Variants in ACOT12 observed in about 807,000 individuals in gnomAD.
ACOT12 encodes acetyl-coenzyme A thioesterase.
A neutral mutation model predicts 67.7 loss-of-function variants in ACOT12; 51 were observed. The observed-to-expected ratio is 0.75, with a 90% CI of 0.60 to 0.95. The LOEUF is 0.95. Among genes scored for constraint, ACOT12 ranks in the 40% least tolerant of loss-of-function variants. ACOT12 has a pLI of 0.00. For synonymous variants in ACOT12, 251 were observed against 244.6 expected, an observed-to-expected ratio of 1.03 and a Z score of -0.24; for missense variants, 734 against 708.1, an observed-to-expected ratio of 1.04 and a Z score of -0.41.
In ACOT12 at chr5:81,330,875, A is replaced by T; in HGVS notation, c.1457T>A (p.Ile486Asn). ...TCCGGCACATATGATTTCACTTCTGATGTACTGTGGAGACGGGGGGACCGA... is the reference window on the plus strand; with the variant it reads ...TCCGGCACATATGATTTCACTTCTGTTGTACTGTGGAGACGGGGGGACCGA... ...LPSVPPSPQYIRSEIICAGFL... is the reference protein window; with the variant it reads ...LPSVPPSPQYNRSEIICAGFL... The change falls in exon 14 of 15, where the codon ATC (isoleucine) becomes AAC (asparagine). Residue 486 changes from isoleucine to asparagine, a missense_variant. Ile to Asn is a moderately radical substitution (Grantham distance 149). Coordinates refer to ENST00000307624, the MANE Select transcript of ACOT12 (RefSeq NM_130767.3). 6.2e-7 allele frequency: 1 copy of T among 1,614,038 alleles called. No individual in the cohort carries two copies. Among genetic ancestry groups the T allele is most frequent in the East Asian group, 2.2e-5 (1 of 44,872 alleles).
At chr5:81,389,671 C>T (rs929991911) in intron 1 of ACOT12, among the ~76,000 whole-genome samples, 2 of 151,714 alleles carry the variant, frequency 1.3e-5, no homozygotes, top group Non-Finnish European at 2.9e-5. Flanking sequence ...GGAATACAGG[C>T]GTGCGCCACC....
the ACOT12 span, among the ~76,000 whole-genome samples, chr5:81,314,517 C>T: frequency 2.6e-5 from 4 of 152,054 alleles, no homozygotes; most frequent in Non-Finnish European, 4.4e-5. Flanking sequence ...AGGAATGCAC[C>T]AGAGGCAGAA....
rs1759334001 is a variant in ACOT12 at position 81,345,032 on chromosome 5, A to C, written c.783T>G (p.Val261=). 1.2e-6 allele frequency: 2 copies of C among 1,614,100 alleles called. No homozygotes were observed. Among genetic ancestry groups the C allele is most frequent in the Non-Finnish European group, 1.7e-6 (2 of 1,179,986 alleles). ...VNNTFQTCVE[V]GVRVEAFDCQ... ...AGTCAAAGGCCTCCACGCGAACTCC[A>C]ACTTCAACACTGTGAAGGGTGATGC... Residue 261 remains valine, a synonymous_variant, in exon 8 of 15, where the codon GTT becomes GTG. Transcript: ENST00000307624.
At chr5:81,312,771 T>C in the ACOT12 span, 9 of 762,888 alleles carry the variant, frequency 1.2e-5, no homozygotes, top group Non-Finnish European at 2.0e-5. Context: ...GCTGTAGATA[T>C]CAGTATGATC....
chr5:81,334,095 C>T (rs1350047680), intron 12 of ACOT12, among the ~76,000 whole-genome samples: 1 of 152,116 alleles, frequency 6.6e-6, no homozygotes, highest in African/African-American at 2.4e-5. Flanking sequence ...CAGAAGAAGA[C>T]CACCTTCCCA....
chr5:81,365,480 C>T (rs1760050859), intron 3 of ACOT12, among the ~76,000 whole-genome samples: 1 of 152,084 alleles, frequency 6.6e-6, no homozygotes, highest in African/African-American at 2.4e-5. Context: ...AATAAAATAC[C>T]TAACAGTAAA....
At chr5:81,357,882 T>C (rs1759768892) in intron 5 of ACOT12, among the ~76,000 whole-genome samples, 1 of 151,828 alleles carries the variant, frequency 6.6e-6, no homozygotes. Context: ...GGCGCATGCC[T>C]GTAGTCCCAG....
At chr5:81,328,839 T>C (rs948869614), downstream of ACOT12, among the ~76,000 whole-genome samples, 5 of 152,220 alleles carry the variant, frequency 3.3e-5, no homozygotes, top group African/African-American at 9.6e-5. Context: ...AGAACAGCAC[T>C]ATCTAAAGAA....
At chr5:81,350,472 G>C (rs138739890) in intron 5 of ACOT12, among the ~76,000 whole-genome samples, 8 of 151,908 alleles carry the variant, frequency 5.3e-5, no homozygotes, top group Middle Eastern at 3.4e-3. Context: ...GACTTTGTGG[G>C]GCCTGGTGTC....
In ACOT12 at chr5:81,373,226, C is replaced by A. The variant is rs941129727; in HGVS notation, c.198-1416G>T. The stretch of plus-strand genomic sequence containing the variant: ...GCAGCCCATGGAGGGTGAGCCGAAG[C>A]AAGGTGGGTCATCACCCTACCAGGG... On this transcript the variant is annotated intron_variant, in intron 2 of 14. Coordinates refer to ENST00000307624, the MANE Select transcript of ACOT12 (RefSeq NM_130767.3). Among the ~76,000 whole-genome samples the A allele has an allele frequency of 3.3e-5, 5 of 152,190 alleles. No individual in the cohort carries two copies. In the East Asian group the frequency reaches 7.7e-4, roughly 23 times the overall value.
At chr5:81,382,905 C>T (rs1760625609) in intron 2 of ACOT12, among the ~76,000 whole-genome samples, 2 of 152,008 alleles carry the variant, frequency 1.3e-5, no homozygotes, top group East Asian at 3.9e-4. Context: ...TCAAGACTTT[C>T]CTGAACAAAC....
At chr5:81,310,623 A>G in the ACOT12 span, among the ~76,000 whole-genome samples, 1,103 of 152,322 alleles carry the variant, frequency 7.2e-3, 16 homozygotes, top group East Asian at 0.045. Context: ...TAGAAACCAC[A>G]TGTGTTGTAA....
the ACOT12 span, among the ~76,000 whole-genome samples, chr5:81,319,866 T>G: frequency 6.6e-6 from 1 of 151,710 alleles, no homozygotes; most frequent in South Asian, 2.1e-4. Flanking sequence ...ATTGGGAAGT[T>G]TTAAGCTAGG....
chr5:81,340,488 A>C (rs575405253), intron 11 of ACOT12, among the ~76,000 whole-genome samples: 118 of 151,960 alleles, frequency 7.8e-4, no homozygotes, highest in African/African-American at 2.7e-3. Flanking sequence ...CAGCCTCCCA[A>C]ATAGCTGGGA....
Position 81,343,108 on chromosome 5 carries a change from C to T in ACOT12, c.1045-353G>A, listed in dbSNP as rs796251325. ...AGGCAGAAGAATCGCTTGAACCCGCCACCGGGAGGCGGAGGTTGCAGTGAG... is the reference window on the plus strand; with the variant it reads ...AGGCAGAAGAATCGCTTGAACCCGCTACCGGGAGGCGGAGGTTGCAGTGAG... On this transcript the variant is annotated intron_variant, in intron 10 of 14. Transcript: ENST00000307624. 4.6e-5 allele frequency among the ~76,000 whole-genome samples: 7 copies of T among 151,912 alleles called. No homozygotes were observed. The East Asian group carries it at 1.4e-3, about 30-fold the overall frequency.
chr5:81,313,185 G>A, the ACOT12 span: 1 of 152,046 alleles, frequency 6.6e-6, no homozygotes, highest in Non-Finnish European at 1.5e-5. Flanking sequence ...CTTGATTCTC[G>A]ATTGAAATAT....
intron 3 of ACOT12, among the ~76,000 whole-genome samples, chr5:81,369,870 A>C (rs764304454): frequency 5.9e-5 from 9 of 152,252 alleles, no homozygotes; most frequent in Non-Finnish European, 1.2e-4. Flanking sequence ...AGAGCCCCAC[A>C]GTTGAATAAA....
chr5:81,335,703 G>A (rs2153844368), intron 12 of ACOT12, 65 bp downstream of exon 12: 1 of 1,528,820 alleles, frequency 6.5e-7, no homozygotes, highest in Admixed American at 1.8e-5. Context: ...ATGGACTTCA[G>A]TATGGAGATC....
At chr5:81,370,546 C>T (rs1175570045) in intron 3 of ACOT12, among the ~76,000 whole-genome samples, 1 of 152,122 alleles carries the variant, frequency 6.6e-6, no homozygotes, top group Non-Finnish European at 1.5e-5. Flanking sequence ...GAAGCAGACA[C>T]CCACACAAGG....
Sources: gnomAD v4.1 joint callset for allele counts (sites outside exome capture counted in the v4.1 genomes callset) on GRCh38, gnomAD v4.1.1 for gene constraint, MANE v1.5 for transcripts, NCBI Gene and HGNC (gene_info 2026-07-23, HGNC 2026-07-21) for gene names.